Variants in ANKRD26 observed in about 807,000 individuals in gnomAD.
The protein encoded by ANKRD26 is ankyrin repeat domain-containing protein 26.
ANKRD26 carries 141 observed loss-of-function variants against 208.7 expected under a neutral mutation model. The ratio of observed to expected loss-of-function variants is 0.68; its 90% CI spans 0.59 to 0.78. The LOEUF is 0.78. Ranked by LOEUF, ANKRD26 falls within the 30% of genes least tolerant of loss-of-function variation. ANKRD26 has a pLI of 0.00. For synonymous variants in ANKRD26, 636 were observed against 660.4 expected (o/e 0.96, Z 0.57); for missense variants, 1,889 against 1,938.7 (o/e 0.97, Z 0.48).
At chr10:26,991,668 C>T (rs1350168222), downstream of ANKRD26, among the ~76,000 whole-genome samples, 1 of 152,138 alleles carries the variant, frequency 6.6e-6, no homozygotes, top group African/African-American at 2.4e-5. Flanking sequence ...CTCGAACTCC[C>T]CACCTCAGGT....
downstream of ANKRD26, among the ~76,000 whole-genome samples, chr10:26,990,680 C>G (rs1418991377): frequency 6.6e-6 from 1 of 152,184 alleles, no homozygotes; most frequent in African/African-American, 2.4e-5. Flanking sequence ...TCCAGAAAGA[C>G]TGAGAGGAGC....
At chr10:26,986,084 T>C (rs975733888) in intron 3 of ANKRD26, among the ~76,000 whole-genome samples, 8 of 152,076 alleles carry the variant, frequency 5.3e-5, no homozygotes, top group South Asian at 2.1e-4. Flanking sequence ...AACAGAGATA[T>C]AGACCAATGG....
intron 30 of ANKRD26, 149 bp downstream of exon 30, chr10:27,017,353 A>C (rs1048653431): frequency 1.4e-6 from 1 of 709,880 alleles, no homozygotes; most frequent in Admixed American, 2.8e-5. Flanking sequence ...GGAAACTGGA[A>C]TATCTAAAGG....
At chr10:27,029,072 C>A in intron 26 of ANKRD26, 127 bp from the exon 27 acceptor site, 1 of 1,003,962 alleles carries the variant, frequency 1.0e-6, no homozygotes, top group Middle Eastern at 3.2e-4. Context: ...GGTGATTTGG[C>A]AACTCTATCG....
At chr10:27,079,679 C>T (rs149320418) in intron 6 of ANKRD26, among the ~76,000 whole-genome samples, 540 of 152,094 alleles carry the variant, frequency 3.6e-3, no homozygotes, top group Non-Finnish European at 4.6e-3. Flanking sequence ...CATGGCGAAA[C>T]CCTGTCTCTA....
intron 12 of ANKRD26, among the ~76,000 whole-genome samples, chr10:27,062,495 C>T (rs1315665161): frequency 6.6e-6 from 1 of 152,172 alleles, no homozygotes; most frequent in Non-Finnish European, 1.5e-5. Context: ...AACAAGATCC[C>T]CAGCTGATTT....
At position 27,006,972 on chromosome 10, in the gene ANKRD26, G is replaced by C; in HGVS notation, c.4954-10C>G. ...CCAACTCCTGCTGCATCTGAAAAAA[G>C]TCAAATGTTATTTATAATGTTTAAG... On this transcript the variant is annotated splice_polypyrimidine_tract_variant and intron_variant, in intron 32 of 33. Coordinates refer to ENST00000376087, the MANE Select transcript of ANKRD26 (RefSeq NM_014915.3). 1 of 1,597,818 alleles carries C rather than the reference G, an allele frequency of 6.3e-7. No homozygotes were observed. Among genetic ancestry groups the C allele is most frequent in the East Asian group, 2.2e-5 (1 of 44,622 alleles).
downstream of ANKRD26, among the ~76,000 whole-genome samples, chr10:27,001,161 T>C (rs12779247): frequency 0.094 from 14,261 of 152,246 alleles, 794 homozygotes; most frequent in East Asian, 0.28. Flanking sequence ...AGTCCTATTC[T>C]CCTTTCTCTT....
chr10:27,019,491 C>T (rs1214267648), intron 29 of ANKRD26, among the ~76,000 whole-genome samples: 7 of 152,120 alleles, frequency 4.6e-5, no homozygotes, highest in Admixed American at 4.6e-4. Flanking sequence ...CACATTAGTG[C>T]ACAAACCAGA....
Position 27,014,665 on chromosome 10 carries a change from T to C in ANKRD26, c.4553A>G (p.Asn1518Ser). Residue 1518 changes from asparagine to serine, a missense_variant, in exon 31 of 34, where the codon AAT (asparagine) becomes AGT (serine). Asn to Ser is a conservative substitution (Grantham distance 46). This residue lies in a region of ANKRD26 where 613 missense variants were observed against 648.2 expected (regional missense o/e 0.95). Coordinates refer to ENST00000376087, the MANE Select transcript of ANKRD26 (RefSeq NM_014915.3). ...QENLEQFREN[N>S]FASMKSQMEL... ...CATCTGACTTTTCATTGAAGCAAAA[T>C]TATTCTCTCTAAACTGCTCTAAGTT... is the stretch of plus-strand genomic sequence containing the variant. 6.2e-7 allele frequency: 1 copy of C among 1,612,898 alleles called. No homozygotes were observed. The highest frequency in any genetic ancestry group is 2.2e-5 in the East Asian group (1 of 44,712).
downstream of ANKRD26, among the ~76,000 whole-genome samples, chr10:26,990,038 C>T (rs2052457915): frequency 6.6e-6 from 1 of 152,070 alleles, no homozygotes; most frequent in African/African-American, 2.4e-5. Context: ...AGTCTTCCCC[C>T]ATTTTGCTAC....
At position 27,037,948 on chromosome 10, in the gene ANKRD26, C is replaced by T; in HGVS notation, c.2482G>A (p.Glu828Lys). ...CTCAGTTCAAGCTGTTGTTTCACTTCAACTTCTTTCCTATATTGCTCTTCT... is the reference window on the plus strand; with the variant it reads ...CTCAGTTCAAGCTGTTGTTTCACTTTAACTTCTTTCCTATATTGCTCTTCT... Reference protein sequence around the residue: ...RKEEQYRKEVEVKQQLELSLQ... With the variant: ...RKEEQYRKEVKVKQQLELSLQ... The change falls in exon 22 of 34, where the codon GAA (glutamate) becomes AAA (lysine). Residue 828 changes from glutamate (E) to lysine (K), a missense_variant. Physicochemically the swap from Glu to Lys is moderately conservative, Grantham distance 56. Transcript: ENST00000376087. The T allele has an allele frequency of 6.2e-7, 1 of 1,613,406 alleles. No individual in the cohort carries two copies. Among genetic ancestry groups the T allele is most frequent in the Non-Finnish European group, 8.5e-7 (1 of 1,179,732 alleles).
the ANKRD26 span, among the ~76,000 whole-genome samples, chr10:26,965,563 T>C: frequency 9.2e-3 from 1,403 of 152,224 alleles, 21 homozygotes; most frequent in African/African-American, 0.032. Context: ...ATTCAGGACA[T>C]AGGCATGGGC....
Position 27,017,528 on chromosome 10 carries a change from A to T in ANKRD26, c.4480T>A (p.Leu1494Ile). 1 of 1,613,554 alleles carries T rather than the reference A, an allele frequency of 6.2e-7. No individual in the cohort carries two copies. The highest frequency in any genetic ancestry group is 1.1e-5 in the South Asian group (1 of 91,068). Residue 1494 changes from leucine (L) to isoleucine (I), a missense_variant, in exon 30 of 34, where the codon TTA becomes ATA. Transcript: ENST00000376087. ...TGTAAAAATAGATTGACTTCTTTTA[A>T]TTTTTCTGCTATTTCCTGTCTTGCT... ...ERARQEIAEKLKEVNLFLQAQ... is the reference protein window; with the variant it reads ...ERARQEIAEKIKEVNLFLQAQ...
intron 18 of ANKRD26, 69 bp from the exon 19 acceptor site, chr10:27,044,259 G>GT (rs1440502532): frequency 2.0e-5 from 26 of 1,277,834 alleles, no homozygotes; most frequent in African/African-American, 1.5e-4. Context: ...TAAAACTATT[G>GT]TTTTTTTAAA....
chr10:26,971,374 C>A (rs2052139745), downstream of ANKRD26, among the ~76,000 whole-genome samples: 1 of 151,362 alleles, frequency 6.6e-6, no homozygotes, highest in African/African-American at 2.4e-5. Context: ...CAAAGTGAAA[C>A]CTTGTCTCAA....
At chr10:27,078,676 ACTAC>A (rs1337601807) in intron 7 of ANKRD26, among the ~76,000 whole-genome samples, 9 of 152,242 alleles carry the variant, frequency 5.9e-5, no homozygotes, top group African/African-American at 2.2e-4. Context: ...ATCATCTACT[ACTAC>A]CTGAAAGCTG....
intron 12 of ANKRD26, chr10:27,062,048 T>C (rs1223609654): frequency 1.0e-6 from 1 of 985,124 alleles, no homozygotes; most frequent in Admixed American, 6.2e-5. Context: ...TCCTCATCGT[T>C]AACTCCAAGA....
chr10:27,016,826 T>C (rs2053309416), intron 30 of ANKRD26, among the ~76,000 whole-genome samples: 1 of 152,104 alleles, frequency 6.6e-6, no homozygotes, highest in Non-Finnish European at 1.5e-5. Context: ...TTGTGTATTT[T>C]TTTCCTTTAC....
Sources: gnomAD v4.1 joint callset for allele counts (sites outside exome capture counted in the v4.1 genomes callset) on GRCh38, gnomAD v4.1.1 for gene constraint, gnomAD v4.1.1 regional missense constraint, MANE v1.5 for transcripts, NCBI Gene and HGNC (gene_info 2026-07-23, HGNC 2026-07-21) for gene names.